Variants in PITPNC1 observed in about 807,000 individuals in gnomAD.
PITPNC1 encodes phosphatidylinositol transfer protein cytoplasmic 1, also known as cytoplasmic phosphatidylinositol transfer protein 1.
Under a neutral mutation model 44.7 loss-of-function variants are expected in PITPNC1, and 18 were observed. The ratio of observed to expected loss-of-function variants is 0.40; its 90% CI spans 0.28 to 0.60. The LOEUF (loss-of-function observed/expected upper bound fraction) is 0.60, where lower values mean the gene tolerates loss of function less well. Ranked by LOEUF, PITPNC1 falls within the 20% of genes least tolerant of loss-of-function variation. The probability of loss-of-function intolerance (pLI) is 0.39; values close to 1 mark genes in which losing one functional copy is unlikely to be tolerated. For synonymous variants in PITPNC1, 141 were observed against 149.6 expected (o/e 0.94, Z 0.42); for missense variants, 290 against 418.4 (o/e 0.69, Z 2.68).
At chr17:67,553,148 C>T (rs2040790512) in intron 3 of PITPNC1, 1 of 152,710 alleles carries the variant, frequency 6.5e-6, no homozygotes, top group Non-Finnish European at 1.5e-5. Flanking sequence ...GAAACTTTGG[C>T]CAAAAAAACT....
At chr17:67,625,974 G>GT (rs113293503) in intron 5 of PITPNC1, among the ~76,000 whole-genome samples, 2,946 of 133,192 alleles carry the variant, frequency 0.022, 82 homozygotes, top group African/African-American at 0.062. Context: ...TGGTTTGTTT[G>GT]TTGTTTTTTT....
At chr17:67,533,395 C>T (rs369087887) in intron 2 of PITPNC1, among the ~76,000 whole-genome samples, 2 of 152,076 alleles carry the variant, frequency 1.3e-5, no homozygotes, top group Non-Finnish European at 2.9e-5. Flanking sequence ...GCTTTGATGA[C>T]GTGTTACAGC....
intron 6 of PITPNC1, among the ~76,000 whole-genome samples, chr17:67,639,265 C>G (rs1276983574): frequency 6.6e-6 from 1 of 152,214 alleles, no homozygotes; most frequent in Non-Finnish European, 1.5e-5. Context: ...GGTATCAAGA[C>G]TCATTAATGA....
Position 67,693,968 on chromosome 17 carries a change from A to G in PITPNC1, c.*1080A>G, listed in dbSNP as rs1233989442. On this transcript the variant is annotated 3_prime_UTR_variant, in exon 9 of 9. Transcript: ENST00000581322. ...CTTGCTCCTTACTTGAAATACAAAT[A>G]TTGGGAATGTCACAGACATCAAGCA... is the stretch of plus-strand genomic sequence containing the variant. 6.6e-6 allele frequency: 1 copy of G among 152,182 alleles called. No homozygotes were observed. Among genetic ancestry groups the G allele is most frequent in the East Asian group, 1.9e-4 (1 of 5,192 alleles). 9.4% of individuals were successfully genotyped at this position (152,182 alleles called of 1,614,324 possible).
At chr17:67,419,940 G>A (rs985753556) in intron 1 of PITPNC1, among the ~76,000 whole-genome samples, 18 of 151,682 alleles carry the variant, frequency 1.2e-4, no homozygotes, top group Non-Finnish European at 2.7e-4. Flanking sequence ...GAGAGAGAGA[G>A]AAAACCAGAA....
At chr17:67,679,735 G>A (rs762734533) in intron 8 of PITPNC1, among the ~76,000 whole-genome samples, 1 of 152,172 alleles carries the variant, frequency 6.6e-6, no homozygotes, top group Non-Finnish European at 1.5e-5. Flanking sequence ...TTTCAAAGCC[G>A]TGATTGGTCT....
chr17:67,560,820 TAACAA>T (rs2040897285), intron 4 of PITPNC1, among the ~76,000 whole-genome samples: 1 of 152,232 alleles, frequency 6.6e-6, no homozygotes, highest in Non-Finnish European at 1.5e-5. Flanking sequence ...GGCTCTACTG[TAACAA>T]AACATAACAT....
At chr17:67,513,489 G>GTATATATATATATATATATA (rs571272051) in intron 1 of PITPNC1, among the ~76,000 whole-genome samples, 1 of 138,660 alleles carries the variant, frequency 7.2e-6, no homozygotes, top group African/African-American at 2.7e-5. Context: ...GTGTGTGTGT[G>GTATATATATATATATATATA]TATATATATA....
intron 1 of PITPNC1, among the ~76,000 whole-genome samples, chr17:67,519,820 T>C (rs1297373027): frequency 6.6e-6 from 1 of 152,184 alleles, no homozygotes; most frequent in Non-Finnish European, 1.5e-5. Flanking sequence ...CTCCCAGCCT[T>C]GCTAGGTAGT....
intron 1 of PITPNC1, chr17:67,408,994 C>T (rs2038448764): frequency 6.6e-6 from 1 of 151,084 alleles, no homozygotes; most frequent in Non-Finnish European, 1.5e-5. Flanking sequence ...TTTATAGTTT[C>T]AGCTCTTACA....
chr17:67,450,719 G>C (rs1479418650), intron 1 of PITPNC1, among the ~76,000 whole-genome samples: 1 of 152,112 alleles, frequency 6.6e-6, no homozygotes, highest in African/African-American at 2.4e-5. Context: ...CACCATGCTC[G>C]GCCCATTTTA....
rs115831523 is a variant in PITPNC1, at chr17:67,619,564, T to C, written c.367-12579T>C. Among the ~76,000 whole-genome samples the C allele has an allele frequency of 6.5e-3, 997 of 152,274 alleles. 12 individuals carry two copies. Among genetic ancestry groups the C allele is most frequent in the African/African-American group, 0.023 (950 of 41,566 alleles). On this transcript the variant is annotated intron_variant, in intron 5 of 8. Transcript: ENST00000581322. ...CTCTGGAGCCCTAGCCAACTCTGTG[T>C]GTGCCAGCGTCCTCGCTTACTGCCG...
chr17:67,670,024 G>T (rs901980552), intron 7 of PITPNC1, among the ~76,000 whole-genome samples: 12 of 151,938 alleles, frequency 7.9e-5, no homozygotes, highest in African/African-American at 2.9e-4. Flanking sequence ...AGTGAACCAA[G>T]ATCGTATTAT....
intron 5 of PITPNC1, among the ~76,000 whole-genome samples, chr17:67,600,113 C>T (rs2041521195): frequency 6.6e-6 from 1 of 152,122 alleles, no homozygotes; most frequent in South Asian, 2.1e-4. Flanking sequence ...ACCCTCTTTT[C>T]ATTCTTTCAG....
chr17:67,405,321 G>A (rs1259991900), intron 1 of PITPNC1, among the ~76,000 whole-genome samples: 2 of 152,000 alleles, frequency 1.3e-5, no homozygotes, highest in African/African-American at 4.8e-5. Context: ...GGAGGCTGAG[G>A]TGGGAGGATC....
At chr17:67,482,767 T>C (rs1003155366) in intron 1 of PITPNC1, among the ~76,000 whole-genome samples, 2 of 152,168 alleles carry the variant, frequency 1.3e-5, no homozygotes, top group African/African-American at 4.8e-5. Flanking sequence ...GATTTGAAAA[T>C]TGCTGTTTTG....
chr17:67,669,710 CTAT>C, intron 7 of PITPNC1, 47 bp downstream of exon 7: 1 of 1,371,762 alleles, frequency 7.3e-7, no homozygotes, highest in Non-Finnish European at 1.0e-6. Context: ...AGGTAACTGT[CTAT>C]ATTGCCAAAT....
chr17:67,598,841 C>T (rs897176623), intron 5 of PITPNC1, among the ~76,000 whole-genome samples: 24 of 150,758 alleles, frequency 1.6e-4, no homozygotes, highest in African/African-American at 5.8e-4. Flanking sequence ...TGCAGTGAGC[C>T]GAGATCACGC....
chr17:67,446,358 C>T (rs960486746), intron 1 of PITPNC1, among the ~76,000 whole-genome samples: 10 of 151,360 alleles, frequency 6.6e-5, no homozygotes, highest in African/African-American at 2.2e-4. Flanking sequence ...AAGGTACAAC[C>T]GATTCTTTTG....
Sources: gnomAD v4.1 joint callset for allele counts (sites outside exome capture counted in the v4.1 genomes callset) on GRCh38, gnomAD v4.1.1 for gene constraint, MANE v1.5 for transcripts, NCBI Gene and HGNC (gene_info 2026-07-23, HGNC 2026-07-21) for gene names.